CPSF2: variants seen among roughly 807,000 people sequenced by gnomAD.
CPSF2 encodes cleavage and polyadenylation specificity factor subunit 2.
A neutral mutation model predicts 84.2 loss-of-function variants in CPSF2; 51 were observed. That is an observed-to-expected ratio of 0.61 (90% CI 0.48 to 0.77). CPSF2 has a LOEUF of 0.77. CPSF2 is among the 30% of genes least tolerant of loss of function. The probability of loss-of-function intolerance (pLI) is 0.00; values close to 1 mark genes in which losing one functional copy is unlikely to be tolerated. For synonymous variants in CPSF2, 286 were observed against 311.9 expected, an observed-to-expected ratio of 0.92 and a Z score of 0.87; for missense variants, 641 against 929.4, an observed-to-expected ratio of 0.69 and a Z score of 4.03.
chr14:92,170,220 C>G lies in CPSF2; in HGVS notation c.*8476C>G, dbSNP rs1409087819. On this transcript the variant is annotated 3_prime_UTR_variant, in exon 16 of 16. Coordinates refer to ENST00000298875, the MANE Select transcript of CPSF2 (RefSeq NM_017437.3). Reference sequence around the variant, plus strand: ...TTAACTATTTTGAAATAATTTTAAACTTACAGAAAAGTAGAATAGTTCAAA... The same window carrying G: ...TTAACTATTTTGAAATAATTTTAAAGTTACAGAAAAGTAGAATAGTTCAAA... 6.6e-6 allele frequency: 1 copy of G among 152,146 alleles called. No individual in the cohort carries two copies. The highest frequency in any genetic ancestry group is 2.4e-5 in the African/African-American group (1 of 41,432). The allele number at this position is 152,146 out of a possible 1,614,324, so 9.4% of individuals were successfully genotyped here.
chr14:92,153,226 A>G (rs1442379898), intron 9 of CPSF2, among the ~76,000 whole-genome samples: 2 of 152,042 alleles, frequency 1.3e-5, no homozygotes, highest in African/African-American at 4.8e-5. Flanking sequence ...AATTAGTAAA[A>G]TTAAGGATCT....
At chr14:92,142,404 T>G in intron 8 of CPSF2, 53 bp downstream of exon 8, 1 of 1,364,768 alleles carries the variant, frequency 7.3e-7, no homozygotes, top group Non-Finnish European at 1.0e-6. Flanking sequence ...ATTGGGTCTG[T>G]GGAAGTGGGC....
chr14:92,125,475 G>A (rs1048274597), intron 1 of CPSF2, among the ~76,000 whole-genome samples: 6 of 152,046 alleles, frequency 3.9e-5, no homozygotes, highest in Non-Finnish European at 8.8e-5. Flanking sequence ...AAATACTTTC[G>A]CTTTTTATCT....
At chr14:92,131,168 A>G (rs201839826) in intron 3 of CPSF2, 35 bp downstream of exon 3, 3 of 1,525,338 alleles carry the variant, frequency 2.0e-6, no homozygotes, top group Non-Finnish European at 2.7e-6. Context: ...GTTTTTATTA[A>G]ATCAACTTCT....
At chr14:92,145,609 T>C (rs1175296155) in intron 9 of CPSF2, among the ~76,000 whole-genome samples, 1 of 152,140 alleles carries the variant, frequency 6.6e-6, no homozygotes, top group East Asian at 1.9e-4. Context: ...ATTTAGTAGC[T>C]CAGAAATACA....
chr14:92,155,436 G>A, intron 11 of CPSF2, 113 bp downstream of exon 11: 1 of 846,860 alleles, frequency 1.2e-6, no homozygotes, highest in Non-Finnish European at 1.9e-6. Context: ...ACATGTATGG[G>A]GTTAGCTTCT....
intron 9 of CPSF2, among the ~76,000 whole-genome samples, chr14:92,145,174 A>C (rs2069127763): frequency 6.6e-6 from 1 of 152,230 alleles, no homozygotes; most frequent in Admixed American, 6.5e-5. Flanking sequence ...ATAGAACTGT[A>C]ACAAACCTTA....
chr14:92,127,190 A>G (rs1382169390), intron 2 of CPSF2, among the ~76,000 whole-genome samples: 1 of 152,206 alleles, frequency 6.6e-6, no homozygotes, highest in Admixed American at 6.5e-5. Context: ...AAAGCAAGTA[A>G]ATAAATAAGT....
chr14:92,167,014 C>CTTTTTTTTTT lies in CPSF2; in HGVS notation c.*5276_*5285dup, dbSNP rs61186732. ...TTCTGCTTATCGATTTCTTTTTTTTCTTTTTTTTTTTTTTTGAGATAGCAT... is the reference window on the plus strand; with the variant it reads ...TTCTGCTTATCGATTTCTTTTTTTTCTTTTTTTTTTTTTTTTTTTTTTTTTGAGATAGCAT... On this transcript the variant is annotated 3_prime_UTR_variant, in exon 16 of 16. Coordinates refer to ENST00000298875, the MANE Select transcript of CPSF2 (RefSeq NM_017437.3). 2 of 128,958 alleles carry CTTTTTTTTTT rather than the reference C, an allele frequency of 1.6e-5. No homozygotes were observed. Among genetic ancestry groups the CTTTTTTTTTT allele is most frequent in the Admixed American group, 8.4e-5 (1 of 11,934 alleles). The allele number at this position is 128,958 out of a possible 1,614,324, so 8.0% of individuals were successfully genotyped here.
In CPSF2 at chr14:92,135,318, T is replaced by A. The variant is rs142973349; in HGVS notation, c.416-49T>A. ...TTATAGTTGAGAAATAAATAACCTT[T>A]CTTTAGGGTTGTAAAAGAAATCTGA... On this transcript the variant is annotated intron_variant, in intron 5 of 15. Coordinates refer to ENST00000298875, the MANE Select transcript of CPSF2 (RefSeq NM_017437.3). 1.0e-4 allele frequency: 157 copies of A among 1,512,594 alleles called. 1 individual carries two copies. The African/African-American group carries it at 2.0e-3, about 20-fold the overall frequency. The allele number at this position is 1,512,594 out of a possible 1,614,324, so 93.7% of individuals were successfully genotyped here.
At chr14:92,133,909 C>T (rs936929274) in intron 3 of CPSF2, 102 bp from the exon 4 acceptor site, 6 of 1,185,728 alleles carry the variant, frequency 5.1e-6, no homozygotes, top group Non-Finnish European at 7.3e-6. Context: ...GCTCTTCTGC[C>T]CCAGTGTAGT....
intron 3 of CPSF2, among the ~76,000 whole-genome samples, chr14:92,133,014 C>G (rs1046484526): frequency 2.0e-5 from 3 of 151,874 alleles, no homozygotes; most frequent in African/African-American, 7.3e-5. Flanking sequence ...TTGCTTGAAC[C>G]GGGCGGTGGA....
intron 1 of CPSF2, chr14:92,122,444 A>C (rs1415869434): frequency 6.4e-6 from 1 of 157,450 alleles, no homozygotes; most frequent in Non-Finnish European, 1.4e-5. Flanking sequence ...AACCGACGCC[A>C]GCTTTAGCTC....
In CPSF2 at chr14:92,158,747, T is replaced by C. The variant is rs78076523; in HGVS notation, c.1822-236T>C. Among the ~76,000 whole-genome samples, 510 of 152,290 alleles carry C rather than the reference T, an allele frequency of 3.3e-3. 1 individual carries two copies. Among genetic ancestry groups the C allele is most frequent in the African/African-American group, 0.012 (489 of 41,550 alleles). ...CGCTCTGATATACTTTTTGTTTTAA[T>C]TGCCATGTGATTCCATTTTGTAGTC... On this transcript the variant is annotated intron_variant, in intron 13 of 15. Transcript: ENST00000298875.
Position 92,161,897 on chromosome 14 carries a change from A to G in CPSF2, c.*153A>G, listed in dbSNP as rs2069378722. On this transcript the variant is annotated 3_prime_UTR_variant, in exon 16 of 16. Transcript: ENST00000298875. ...AGATTTTTAAAAATATAAATAGAGA[A>G]CATTTTGCAAATGCTCAAATGAGCA... 1.9e-6 allele frequency: 1 copy of G among 533,698 alleles called. No homozygotes were observed. The highest frequency in any genetic ancestry group is 3.5e-5 in the East Asian group (1 of 28,784). The allele number at this position is 533,698 out of a possible 1,614,324, so 33.1% of individuals were successfully genotyped here.
chr14:92,151,866 G>A lies in CPSF2; in HGVS notation c.1141-2492G>A, dbSNP rs144402248. 4.1e-3 allele frequency among the ~76,000 whole-genome samples: 617 copies of A among 152,066 alleles called. 4 individuals are homozygous for A. The highest frequency in any genetic ancestry group is 0.014 in the African/African-American group (595 of 41,482). On this transcript the variant is annotated intron_variant, in intron 9 of 15. Coordinates refer to ENST00000298875, the MANE Select transcript of CPSF2 (RefSeq NM_017437.3). The stretch of plus-strand genomic sequence containing the variant: ...AGCTTGGGCAGCATGTCAAGACTCG[G>A]TCTCTACAAAAAAAATACAAAAATT...
chr14:92,122,823 CAACCCCTT>C (rs1215697061), intron 1 of CPSF2, among the ~76,000 whole-genome samples: 15 of 151,872 alleles, frequency 9.9e-5, no homozygotes, highest in African/African-American at 3.4e-4. Context: ...TTTAATTTTA[CAACCCCTT>C]TAACCCCTTT....
At chr14:92,122,572 C>T (rs1414411423) in intron 1 of CPSF2, among the ~76,000 whole-genome samples, 1 of 152,220 alleles carries the variant, frequency 6.6e-6, no homozygotes, top group Non-Finnish European at 1.5e-5. Flanking sequence ...CCTTTTAGTT[C>T]TTCGACTCCA....
intron 9 of CPSF2, among the ~76,000 whole-genome samples, chr14:92,149,867 G>T (rs1191867683): frequency 6.6e-6 from 1 of 151,978 alleles, no homozygotes; most frequent in Non-Finnish European, 1.5e-5. Flanking sequence ...ATGTTAACCA[G>T]GATGGTCTTG....
Sources: gnomAD v4.1 joint callset for allele counts (sites outside exome capture counted in the v4.1 genomes callset) on GRCh38, gnomAD v4.1.1 for gene constraint, MANE v1.5 for transcripts, NCBI Gene and HGNC (gene_info 2026-07-23, HGNC 2026-07-21) for gene names.